Variants in DOCK1 observed in about 807,000 individuals in gnomAD.
DOCK1 encodes dedicator of cytokinesis protein 1.
A neutral mutation model predicts 262.7 loss-of-function variants in DOCK1; 138 were observed. The ratio of observed to expected loss-of-function variants is 0.53; its 90% CI spans 0.46 to 0.61. DOCK1 has a LOEUF of 0.61. DOCK1 is among the 20% of genes least tolerant of loss of function. The pLI is 0.00. For synonymous variants in DOCK1, 866 were observed against 867.4 expected, an observed-to-expected ratio of 1.00 and a Z score of 0.03; for missense variants, 1,908 against 2,370.7, an observed-to-expected ratio of 0.80 and a Z score of 4.05.
At chr10:126,977,887 G>T in intron 2 of DOCK1, 61 bp from the exon 3 acceptor site, 1 of 1,511,110 alleles carries the variant, frequency 6.6e-7, no homozygotes, top group Non-Finnish European at 9.2e-7. Flanking sequence ...CATCATGAAT[G>T]TATTGTGAGG....
intron 23 of DOCK1, among the ~76,000 whole-genome samples, chr10:127,076,294 G>T (rs1023150471): frequency 1.3e-5 from 2 of 152,202 alleles, no homozygotes; most frequent in African/African-American, 2.4e-5. Flanking sequence ...AAGGTCAGTA[G>T]ATCAAGACCA....
At chr10:126,921,348 A>C (rs2033176216) in intron 1 of DOCK1, among the ~76,000 whole-genome samples, 1 of 152,230 alleles carries the variant, frequency 6.6e-6, no homozygotes, top group Non-Finnish European at 1.5e-5. Context: ...CTATAATGGA[A>C]TATTATTCAG....
chr10:127,202,794 T>A (rs1564899923), intron 27 of DOCK1, among the ~76,000 whole-genome samples: 1 of 152,154 alleles, frequency 6.6e-6, no homozygotes. Context: ...CAGATGTGGA[T>A]CAGAGAACGT....
At chr10:127,079,822 T>C (rs1018413914) in intron 23 of DOCK1, among the ~76,000 whole-genome samples, 1 of 152,076 alleles carries the variant, frequency 6.6e-6, no homozygotes, top group African/African-American at 2.4e-5. Flanking sequence ...TCCCAGCTAC[T>C]CGGGAGGCTG....
Position 127,026,387 on chromosome 10 carries a change from C to T in DOCK1, c.1587C>T (p.His529=). ...AIPIEDVNRS[H]LRFTFRHRSS... The stretch of plus-strand genomic sequence containing the variant: ...CCATCGAGGACGTTAACCGCAGTCA[C>T]CTTCGGTTTACCTTCCGCCACAGGT... The change falls in exon 16 of 52, where the codon CAC becomes CAT. Residue 529 remains histidine, a synonymous_variant. Transcript: ENST00000623213. The T allele has an allele frequency of 2.5e-6, 4 of 1,577,560 alleles. No homozygotes were observed. The highest frequency in any genetic ancestry group is 3.4e-6 in the Non-Finnish European group (4 of 1,160,182).
intron 1 of DOCK1, among the ~76,000 whole-genome samples, chr10:126,964,866 T>C (rs2037541256): frequency 6.6e-6 from 1 of 152,228 alleles, no homozygotes; most frequent in Non-Finnish European, 1.5e-5. Context: ...TCTCAGCCTC[T>C]GTATCTTTTT....
At chr10:127,054,323 C>CAGA (rs974329198) in intron 22 of DOCK1, among the ~76,000 whole-genome samples, 21 of 152,174 alleles carry the variant, frequency 1.4e-4, no homozygotes, top group African/African-American at 5.1e-4. Flanking sequence ...CTGGAGTGTG[C>CAGA]TTCTGTTCAC....
At chr10:127,350,405 C>T (rs1163864129) in intron 31 of DOCK1, among the ~76,000 whole-genome samples, 2 of 152,086 alleles carry the variant, frequency 1.3e-5, no homozygotes. Context: ...GGGGCCTTGG[C>T]GCCTGCTGGT....
intron 27 of DOCK1, among the ~76,000 whole-genome samples, chr10:127,184,490 G>A (rs577107414): frequency 7.5e-3 from 299 of 39,766 alleles, no homozygotes; most frequent in Middle Eastern, 0.018. Context: ...CCCCACCCCC[G>A]TCCCCCATCC....
In DOCK1 at chr10:127,408,715, G is replaced by A. The variant is rs73388623; in HGVS notation, c.4123-322G>A. ...TTCTAACCATTTCATGCCCATTCTA[G>A]TGTGGGCTTCTGAGTGCTCATTTGG... On this transcript the variant is annotated intron_variant, in intron 40 of 51. Coordinates refer to ENST00000623213, the MANE Select transcript of DOCK1 (RefSeq NM_001290223.2). Among the ~76,000 whole-genome samples, 822 of 152,308 alleles carry A rather than the reference G, an allele frequency of 5.4e-3. 8 individuals carry two copies. The highest frequency in any genetic ancestry group is 0.019 in the African/African-American group (776 of 41,562).
At chr10:127,284,074 A>G (rs150968149) in intron 29 of DOCK1, among the ~76,000 whole-genome samples, 74 of 152,342 alleles carry the variant, frequency 4.9e-4, no homozygotes, top group African/African-American at 1.6e-3. Flanking sequence ...TTGCAAGATA[A>G]AACAGTTCCC....
intron 23 of DOCK1, among the ~76,000 whole-genome samples, chr10:127,102,768 G>A (rs1167666515): frequency 1.3e-5 from 2 of 152,190 alleles, no homozygotes; most frequent in Non-Finnish European, 2.9e-5. Flanking sequence ...TGAACCCGGG[G>A]GGTGGAAGTT....
chr10:127,071,750 G>A (rs1407254369), intron 23 of DOCK1, among the ~76,000 whole-genome samples: 6 of 152,096 alleles, frequency 3.9e-5, no homozygotes, highest in South Asian at 2.1e-4. Context: ...GAATACTACC[G>A]TGTTGCTTTT....
rs548754651 is a variant in DOCK1, at chr10:127,031,705, C to T, written c.1680C>T (p.Tyr560=). The change falls in exon 17 of 52, where the codon TAC becomes TAT. Residue 560 remains tyrosine (Y), a synonymous_variant. Coordinates refer to ENST00000623213, the MANE Select transcript of DOCK1 (RefSeq NM_001290223.2). ...FALAFVKLMR[Y]DGTTLRDGEH... ...TAGCATTTGTCAAGCTGATGAGATACGATGGTACCACCCTGCGAGACGGAG... is the reference window on the plus strand; with the variant it reads ...TAGCATTTGTCAAGCTGATGAGATATGATGGTACCACCCTGCGAGACGGAG... The T allele has an allele frequency of 1.2e-5, 19 of 1,613,268 alleles. No homozygotes were observed. Among genetic ancestry groups the T allele is most frequent in the Admixed American group, 5.0e-5 (3 of 59,818 alleles).
chr10:126,991,443 A>C (rs2039777659), intron 6 of DOCK1, among the ~76,000 whole-genome samples: 1 of 152,108 alleles, frequency 6.6e-6, no homozygotes, highest in African/African-American at 2.4e-5. Context: ...ATAGCTGTTG[A>C]ATTATAGAAT....
At chr10:127,336,669 A>G (rs2063208353) in intron 29 of DOCK1, among the ~76,000 whole-genome samples, 1 of 151,726 alleles carries the variant, frequency 6.6e-6, no homozygotes, top group African/African-American at 2.4e-5. Flanking sequence ...CCTCCCAAGT[A>G]GCTGGGACTG....
chr10:127,415,379 C>T, intron 44 of DOCK1, 141 bp downstream of exon 44: 1 of 717,734 alleles, frequency 1.4e-6, no homozygotes, highest in Admixed American at 2.7e-5. Flanking sequence ...AACCACCCCA[C>T]CTGTTCTTGA....
chr10:127,348,235 C>T (rs1353344645), intron 31 of DOCK1, among the ~76,000 whole-genome samples: 2 of 151,926 alleles, frequency 1.3e-5, no homozygotes, highest in African/African-American at 2.4e-5. Context: ...CTAGTGACTC[C>T]CAAGGAAGGA....
intron 27 of DOCK1, among the ~76,000 whole-genome samples, chr10:127,168,057 T>A (rs2054241025): frequency 6.6e-6 from 1 of 152,172 alleles, no homozygotes; most frequent in African/African-American, 2.4e-5. Context: ...TATTCTCAGC[T>A]GTTTGTTACA....
Sources: allele counts gnomAD v4.1 joint callset (sites outside exome capture counted in the v4.1 genomes callset), GRCh38; gene constraint gnomAD v4.1.1; transcripts MANE v1.5; gene names NCBI Gene and HGNC (gene_info 2026-07-23, HGNC 2026-07-21).